The following PLCH1 variants were observed in gnomAD, a reference collection of about 807,000 sequenced individuals.
PLCH1 encodes phospholipase C eta 1.
Under a neutral mutation model 126.7 loss-of-function variants are expected in PLCH1, and 60 were observed. That is an observed-to-expected ratio of 0.47 (90% CI 0.38 to 0.59). The LOEUF (loss-of-function observed/expected upper bound fraction) is 0.59. Ranked by LOEUF, PLCH1 falls within the 20% of genes least tolerant of loss-of-function variation. PLCH1 has a pLI of 0.00. For synonymous variants in PLCH1, 719 were observed against 734.9 expected, an observed-to-expected ratio of 0.98 and a Z score of 0.35; for missense variants, 1,723 against 2,040.0, an observed-to-expected ratio of 0.84 and a Z score of 2.99.
intron 2 of PLCH1, among the ~76,000 whole-genome samples, chr3:155,601,999 A>G (rs2108681553): frequency 6.6e-6 from 1 of 152,226 alleles, no homozygotes; most frequent in East Asian, 1.9e-4. Flanking sequence ...TGAGTTTTCT[A>G]TGATGACTAT....
chr3:155,478,390 A>C (rs1713639231), downstream of PLCH1, among the ~76,000 whole-genome samples: 2 of 152,112 alleles, frequency 1.3e-5, no homozygotes. Flanking sequence ...TAAAATAAAG[A>C]GTGTAATTGG....
At chr3:155,664,700 T>C (rs1397467772) in intron 2 of PLCH1, among the ~76,000 whole-genome samples, 1 of 152,244 alleles carries the variant, frequency 6.6e-6, no homozygotes, top group Non-Finnish European at 1.5e-5. Context: ...TGTATGTTGA[T>C]GAAAGCTTCC....
intron 2 of PLCH1, among the ~76,000 whole-genome samples, chr3:155,602,840 T>C (rs1733911474): frequency 6.6e-6 from 1 of 152,226 alleles, no homozygotes; most frequent in Non-Finnish European, 1.5e-5. Flanking sequence ...CACACATATA[T>C]ACATATTTGT....
At chr3:155,657,559 A>C (rs1451714168) in intron 2 of PLCH1, among the ~76,000 whole-genome samples, 1 of 152,230 alleles carries the variant, frequency 6.6e-6, no homozygotes, top group African/African-American at 2.4e-5. Context: ...AGGAAACACT[A>C]GTCAGAGGTC....
intron 2 of PLCH1, chr3:155,657,655 C>T (rs1361476805): frequency 6.6e-6 from 1 of 152,152 alleles, no homozygotes; most frequent in Non-Finnish European, 1.5e-5. Flanking sequence ...TGAGAAAGAG[C>T]TAAGATATTC....
intron 21 of PLCH1, among the ~76,000 whole-genome samples, chr3:155,455,844 G>T (rs558542336): frequency 6.6e-6 from 1 of 152,328 alleles, no homozygotes; most frequent in Non-Finnish European, 1.5e-5. Flanking sequence ...TACACACAGA[G>T]AAATAGTTCT....
intron 12 of PLCH1, among the ~76,000 whole-genome samples, chr3:155,511,565 C>T (rs575018227): frequency 7.6e-6 from 1 of 131,742 alleles, no homozygotes; most frequent in African/African-American, 3.4e-5. Context: ...GTTAGTTTTC[C>T]TTCTAACAGA....
chr3:155,512,885 TG>T, intron 12 of PLCH1, among the ~76,000 whole-genome samples: 1 of 152,348 alleles, frequency 6.6e-6, no homozygotes. Flanking sequence ...GCAGGGCAGC[TG>T]AGAGCTTAGG....
intron 8 of PLCH1, among the ~76,000 whole-genome samples, chr3:155,557,169 A>G (rs1397371187): frequency 6.6e-6 from 1 of 152,224 alleles, no homozygotes; most frequent in Non-Finnish European, 1.5e-5. Context: ...TCACAAGAGA[A>G]GCGTCATCCA....
intron 1 of PLCH1, among the ~76,000 whole-genome samples, chr3:155,732,877 CAAAAA>C (rs71155063): frequency 1.2e-5 from 1 of 80,248 alleles, no homozygotes; most frequent in Non-Finnish European, 2.3e-5. Flanking sequence ...GACTGCATCT[CAAAAA>C]AAAAAAAAAA....
At chr3:155,603,052 G>A (rs1026191049) in intron 2 of PLCH1, among the ~76,000 whole-genome samples, 1 of 152,080 alleles carries the variant, frequency 6.6e-6, no homozygotes, top group Non-Finnish European at 1.5e-5. Flanking sequence ...GCCGAGATTA[G>A]GGTCATACAA....
intron 1 of PLCH1, among the ~76,000 whole-genome samples, chr3:155,716,124 T>G (rs191317712): frequency 6.6e-6 from 1 of 152,358 alleles, no homozygotes; most frequent in Admixed American, 6.5e-5. Context: ...AAACCCAAGA[T>G]TATTTTGAAA....
rs1714022776 is a variant in PLCH1, at chr3:155,481,411, G to A, written c.4615C>T (p.Arg1539Trp). 14 of 1,614,174 alleles carry A rather than the reference G, an allele frequency of 8.7e-6. No homozygotes were observed. The East Asian group carries it at 1.8e-4, about 21-fold the overall frequency. Residue 1539 changes from arginine (R) to tryptophan (W), a missense_variant, in exon 23 of 23, where the codon CGG becomes TGG. This residue lies in a region of PLCH1 where 947 missense variants were observed against 977.1 expected (regional missense o/e 0.97). Transcript: ENST00000460012. The surrounding 1 kb of genome is among the most constrained non-coding windows in gnomAD (Gnocchi z 4.2). ...TCCTGGTCAAAGGACACAAGCTTCC[G>A]AAGCTGCTCGGTCAGGGCATCTATA... The part of the protein sequence containing the change: ...EPIDALTEQL[R>W]KLVSFDQEDN...
intron 10 of PLCH1, among the ~76,000 whole-genome samples, chr3:155,536,650 C>T (rs1026276183): frequency 7.2e-5 from 11 of 151,864 alleles, no homozygotes; most frequent in Admixed American, 4.6e-4. Context: ...AAAAAAAGAA[C>T]AAAGCCTGGA....
At chr3:155,536,328 C>A (rs1723351615) in intron 10 of PLCH1, among the ~76,000 whole-genome samples, 1 of 152,060 alleles carries the variant, frequency 6.6e-6, no homozygotes, top group Non-Finnish European at 1.5e-5. Flanking sequence ...AAGAAGAAAT[C>A]CCTGACTTGC....
chr3:155,584,793 T>C (rs1238449113), intron 5 of PLCH1, among the ~76,000 whole-genome samples: 1 of 152,204 alleles, frequency 6.6e-6, no homozygotes, highest in Non-Finnish European at 1.5e-5. Context: ...TTCCAAATTT[T>C]ACTTTCAATA....
intron 13 of PLCH1, among the ~76,000 whole-genome samples, chr3:155,503,505 A>G (rs996493376): frequency 6.7e-6 from 1 of 150,172 alleles, no homozygotes; most frequent in African/African-American, 2.4e-5. Context: ...TTGTACTATT[A>G]CCAATCTCAA....
intron 1 of PLCH1, chr3:155,743,031 T>G: frequency 3.8e-6 from 1 of 266,000 alleles, no homozygotes; most frequent in South Asian, 3.3e-5. Flanking sequence ...GCATTTATGT[T>G]AATTCTAACC....
intron 5 of PLCH1, among the ~76,000 whole-genome samples, chr3:155,584,631 A>G (rs758564032): frequency 7.9e-5 from 12 of 152,240 alleles, no homozygotes; most frequent in South Asian, 6.2e-4. Flanking sequence ...AGTAAACAAA[A>G]ACAGACAGGG....
Sources: gnomAD v4.1 joint callset for allele counts (sites outside exome capture counted in the v4.1 genomes callset) on GRCh38, gnomAD v4.1.1 for gene constraint, gnomAD v4.1.1 regional missense constraint, Gnocchi (gnomAD v3.1) non-coding constraint, MANE v1.5 for transcripts, NCBI Gene and HGNC (gene_info 2026-07-23, HGNC 2026-07-21) for gene names.